The following TMEM163 variants were observed in gnomAD, a reference collection of about 807,000 sequenced individuals.
The protein encoded by TMEM163 is transmembrane protein 163.
Under a neutral mutation model 29.3 loss-of-function variants are expected in TMEM163, and 17 were observed. That is an observed-to-expected ratio of 0.58 (90% CI 0.40 to 0.87). The LOEUF (loss-of-function observed/expected upper bound fraction) is 0.87. Ranked by LOEUF, TMEM163 falls within the 40% of genes least tolerant of loss-of-function variation. TMEM163 has a pLI of 0.00. For missense variants in TMEM163, 303 were observed against 381.5 expected (o/e 0.79, Z 1.71); for synonymous variants, 157 against 160.6 (o/e 0.98, Z 0.17).
At chr2:134,585,491 C>CG (rs1681793839) in intron 2 of TMEM163, among the ~76,000 whole-genome samples, 1 of 152,072 alleles carries the variant, frequency 6.6e-6, no homozygotes, top group African/African-American at 2.4e-5. Context: ...CGCCTGTAAT[C>CG]CAGCACTTTG....
At chr2:134,499,275 T>TAG (rs1216309676) in intron 5 of TMEM163, among the ~76,000 whole-genome samples, 2 of 152,254 alleles carry the variant, frequency 1.3e-5, no homozygotes, top group Admixed American at 1.3e-4. Flanking sequence ...AAAACTATCT[T>TAG]TTCATGCTAA....
At chr2:134,674,103 T>G (rs1399749772) in intron 2 of TMEM163, among the ~76,000 whole-genome samples, 1 of 152,180 alleles carries the variant, frequency 6.6e-6, no homozygotes, top group East Asian at 1.9e-4. Flanking sequence ...TGGCTATTGG[T>G]CTATTCCTCA....
At chr2:134,629,205 T>C (rs1241609296) in intron 2 of TMEM163, among the ~76,000 whole-genome samples, 1 of 152,200 alleles carries the variant, frequency 6.6e-6, no homozygotes, top group Non-Finnish European at 1.5e-5. Flanking sequence ...GGATCCAAGA[T>C]CATATAGGCA....
chr2:134,657,809 T>A (rs778512153), intron 2 of TMEM163, among the ~76,000 whole-genome samples: 11 of 111,122 alleles, frequency 9.9e-5, no homozygotes, highest in African/African-American at 2.1e-4. Flanking sequence ...ATCTCAAAAA[T>A]AAAAAATAAA....
In TMEM163 at chr2:134,639,029, G is replaced by A. The variant is rs572559186; in HGVS notation, c.322+74171C>T. Among the ~76,000 whole-genome samples, 15 of 152,234 alleles carry A rather than the reference G, an allele frequency of 9.9e-5. 2 individuals carry two copies. The South Asian group carries it at 2.7e-3, about 27-fold the overall frequency. On this transcript the variant is annotated intron_variant, in intron 2 of 7. Transcript: ENST00000281924. ...ACCCAGGGAGAGAGGGGTACAGAGC[G>A]CCAAGTGCCACTTCTCTCTCAGTTC...
intron 2 of TMEM163, among the ~76,000 whole-genome samples, chr2:134,647,471 A>G (rs910083266): frequency 6.6e-6 from 1 of 152,190 alleles, no homozygotes; most frequent in Non-Finnish European, 1.5e-5. Context: ...ATTCCTGAGC[A>G]CTCATGGACA....
At chr2:134,669,115 A>G (rs764950601) in intron 2 of TMEM163, among the ~76,000 whole-genome samples, 3 of 152,228 alleles carry the variant, frequency 2.0e-5, no homozygotes, top group African/African-American at 4.8e-5. Context: ...AGGAGGGGCC[A>G]TGGGGACTCA....
intron 2 of TMEM163, among the ~76,000 whole-genome samples, chr2:134,564,452 T>C (rs1461292887): frequency 6.6e-6 from 1 of 151,892 alleles, no homozygotes; most frequent in Admixed American, 6.6e-5. Flanking sequence ...TGGCATGGAG[T>C]TTCATAATCT....
intron 5 of TMEM163, among the ~76,000 whole-genome samples, chr2:134,475,723 A>C (rs1030270673): frequency 6.6e-6 from 1 of 152,212 alleles, no homozygotes; most frequent in Non-Finnish European, 1.5e-5. Context: ...ATAAGCACAA[A>C]TAAAGATAAT....
intron 4 of TMEM163, among the ~76,000 whole-genome samples, chr2:134,511,299 G>A (rs1310733292): frequency 6.6e-6 from 1 of 152,164 alleles, no homozygotes; most frequent in African/African-American, 2.4e-5. Flanking sequence ...GAGTGCAAAG[G>A]CTCCTGGCAG....
rs1434621283 is a variant in TMEM163 at position 134,666,747 on chromosome 2, T to C, written c.322+46453A>G. On this transcript the variant is annotated intron_variant, in intron 2 of 7. Coordinates refer to ENST00000281924, the MANE Select transcript of TMEM163 (RefSeq NM_030923.5). ...CCAGCAATTTACTCCAGTTTCCTCA[T>C]CTATAAAAAGGAGATCGTAATAGTG... Among the ~76,000 whole-genome samples, 4 of 152,314 alleles carry C rather than the reference T, an allele frequency of 2.6e-5. No individual in the cohort carries two copies. The East Asian group carries it at 7.7e-4, about 29-fold the overall frequency.
chr2:134,513,475 G>A (rs1050760023), intron 4 of TMEM163, among the ~76,000 whole-genome samples: 1 of 152,242 alleles, frequency 6.6e-6, no homozygotes, highest in East Asian at 1.9e-4. Flanking sequence ...GACGGATCCA[G>A]CTGGGAAGCT....
chr2:134,678,840 A>G (rs752856375), intron 2 of TMEM163, among the ~76,000 whole-genome samples: 2 of 152,242 alleles, frequency 1.3e-5, no homozygotes, highest in Non-Finnish European at 2.9e-5. Flanking sequence ...TTGAATTTTT[A>G]TAAAGCTATT....
At chr2:134,542,125 C>G (rs1680688475) in intron 4 of TMEM163, among the ~76,000 whole-genome samples, 1 of 152,158 alleles carries the variant, frequency 6.6e-6, no homozygotes. Flanking sequence ...TTCTTTTATT[C>G]CATGTTCTTG....
chr2:134,685,322 T>G (rs1684330306), intron 2 of TMEM163, among the ~76,000 whole-genome samples: 1 of 152,234 alleles, frequency 6.6e-6, no homozygotes, highest in Non-Finnish European at 1.5e-5. Context: ...TAAGTCATCA[T>G]AATATCCTAA....
At chr2:134,500,119 C>A (rs553703059) in intron 5 of TMEM163, among the ~76,000 whole-genome samples, 18 of 152,184 alleles carry the variant, frequency 1.2e-4, no homozygotes, top group Non-Finnish European at 2.5e-4. Context: ...GGAGGCCAGG[C>A]CCTTCATCCA....
intron 5 of TMEM163, among the ~76,000 whole-genome samples, chr2:134,494,666 T>C (rs780230618): frequency 6.6e-6 from 1 of 152,264 alleles, no homozygotes; most frequent in Non-Finnish European, 1.5e-5. Context: ...CATAGTTATA[T>C]GCTAAGCACA....
intron 2 of TMEM163, among the ~76,000 whole-genome samples, chr2:134,604,603 A>C (rs563185929): frequency 2.5e-4 from 38 of 152,248 alleles, no homozygotes; most frequent in African/African-American, 8.9e-4. Flanking sequence ...AACCATGGGA[A>C]TTGGAAACAC....
intron 2 of TMEM163, among the ~76,000 whole-genome samples, chr2:134,660,827 T>C (rs927492503): frequency 1.3e-5 from 2 of 152,204 alleles, no homozygotes; most frequent in Admixed American, 1.3e-4. Context: ...AAAGAGGGGT[T>C]GGAGGAGACA....
Sources: allele counts gnomAD v4.1 joint callset (sites outside exome capture counted in the v4.1 genomes callset), GRCh38; gene constraint gnomAD v4.1.1; transcripts MANE v1.5; gene names NCBI Gene and HGNC (gene_info 2026-07-23, HGNC 2026-07-21).